Variants in SLC24A2 observed in about 807,000 individuals in gnomAD.
SLC24A2 encodes the protein sodium/potassium/calcium exchanger 2.
A neutral mutation model predicts 62.0 loss-of-function variants in SLC24A2; 36 were observed. The observed-to-expected ratio is 0.58, with a 90% CI of 0.44 to 0.77. The LOEUF (loss-of-function observed/expected upper bound fraction) is 0.77, where lower values mean the gene tolerates loss of function less well. SLC24A2 is among the 30% of genes least tolerant of loss of function. SLC24A2 has a pLI of 0.00. For missense variants in SLC24A2, 846 were observed against 817.9 expected, an observed-to-expected ratio of 1.03 and a Z score of -0.42; for synonymous variants, 358 against 294.0, an observed-to-expected ratio of 1.22 and a Z score of -2.23.
At chr9:20,022,324 A>G in the SLC24A2 span, among the ~76,000 whole-genome samples, 1 of 152,258 alleles carries the variant, frequency 6.6e-6, no homozygotes, top group Non-Finnish European at 1.5e-5. Flanking sequence ...TAGGTGTTTT[A>G]AAGCCAATTC....
chr9:20,092,864 A>C, the SLC24A2 span, among the ~76,000 whole-genome samples: 3 of 152,162 alleles, frequency 2.0e-5, no homozygotes, highest in Admixed American at 2.0e-4. Context: ...CTGAAAGCTG[A>C]ACTCATAGAA....
the SLC24A2 span, among the ~76,000 whole-genome samples, chr9:20,261,967 T>C: frequency 6.6e-6 from 1 of 152,068 alleles, no homozygotes; most frequent in Non-Finnish European, 1.5e-5. Context: ...CTTGATCTCC[T>C]GACCTCGTGA....
chr9:19,535,377 T>G (rs1241452911), intron 8 of SLC24A2, among the ~76,000 whole-genome samples: 1 of 152,224 alleles, frequency 6.6e-6, no homozygotes, highest in African/African-American at 2.4e-5. Context: ...GTTGCCAATT[T>G]TGGCTTTTGT....
chr9:19,667,994 AT>A (rs1308186738), intron 2 of SLC24A2, among the ~76,000 whole-genome samples: 1 of 151,672 alleles, frequency 6.6e-6, no homozygotes, highest in African/African-American at 2.4e-5. Context: ...ATTCCTGTAC[AT>A]TTCTTACTGT....
intron 2 of SLC24A2, among the ~76,000 whole-genome samples, chr9:19,690,723 A>G (rs1820018892): frequency 6.6e-6 from 1 of 152,138 alleles, no homozygotes; most frequent in Admixed American, 6.5e-5. Flanking sequence ...TTTTGCATAA[A>G]TGAACACAAG....
At chr9:19,817,301 C>T in the SLC24A2 span, among the ~76,000 whole-genome samples, 4 of 151,496 alleles carry the variant, frequency 2.6e-5, no homozygotes, top group Non-Finnish European at 4.4e-5. Flanking sequence ...TTTATCCTGC[C>T]CATTTCATAC....
At chr9:19,542,032 C>T (rs1329715093) in intron 8 of SLC24A2, among the ~76,000 whole-genome samples, 2 of 152,222 alleles carry the variant, frequency 1.3e-5, no homozygotes, top group Non-Finnish European at 2.9e-5. Context: ...CTTGCGCTTC[C>T]CAGGTGAGGC....
chr9:20,089,024 G>A, the SLC24A2 span, among the ~76,000 whole-genome samples: 5 of 152,144 alleles, frequency 3.3e-5, no homozygotes, highest in Admixed American at 6.5e-5. Flanking sequence ...CTCACTGGGT[G>A]GGTCCCCCCA....
the SLC24A2 span, among the ~76,000 whole-genome samples, chr9:19,800,729 A>G: frequency 5.3e-5 from 8 of 152,114 alleles, no homozygotes; most frequent in African/African-American, 1.7e-4. Flanking sequence ...CAATTCCCCT[A>G]TTACCCTATT....
the SLC24A2 span, among the ~76,000 whole-genome samples, chr9:20,285,672 G>A: frequency 1.3e-5 from 2 of 152,160 alleles, no homozygotes; most frequent in African/African-American, 2.4e-5. Context: ...TACCCAGAAT[G>A]TTTGACCAAA....
intron 8 of SLC24A2, among the ~76,000 whole-genome samples, chr9:19,542,678 C>T (rs1344392184): frequency 6.6e-6 from 1 of 152,182 alleles, no homozygotes; most frequent in Non-Finnish European, 1.5e-5. Context: ...GACTTTTCTG[C>T]ATCTGTTGAA....
At chr9:19,879,444 T>C in the SLC24A2 span, among the ~76,000 whole-genome samples, 3 of 152,240 alleles carry the variant, frequency 2.0e-5, no homozygotes, top group South Asian at 2.1e-4. Flanking sequence ...ATACCTGGTG[T>C]AGTCATTATT....
chr9:19,795,680 G>A, the SLC24A2 span, among the ~76,000 whole-genome samples: 1 of 152,006 alleles, frequency 6.6e-6, no homozygotes, highest in Admixed American at 6.6e-5. Context: ...TATCAGGGAA[G>A]AGGTGGATTT....
the SLC24A2 span, among the ~76,000 whole-genome samples, chr9:19,879,265 T>G: frequency 6.6e-6 from 1 of 151,934 alleles, no homozygotes; most frequent in Non-Finnish European, 1.5e-5. Context: ...AAGGAAGCAA[T>G]TTGCAGCAAC....
intron 8 of SLC24A2, 109 bp from the exon 9 acceptor site, chr9:19,528,247 A>AT (rs1280936539): frequency 2.6e-6 from 2 of 761,796 alleles, no homozygotes; most frequent in Admixed American, 2.0e-5. Flanking sequence ...CATTTCCTGC[A>AT]TCTTAGTAGG....
the SLC24A2 span, among the ~76,000 whole-genome samples, chr9:20,140,635 C>G: frequency 6.6e-6 from 1 of 152,154 alleles, no homozygotes. Flanking sequence ...TCCTGTTCTG[C>G]ACCCCCTGAA....
At chr9:19,726,427 CTTGTT>C (rs1475950087) in intron 2 of SLC24A2, among the ~76,000 whole-genome samples, 5 of 152,042 alleles carry the variant, frequency 3.3e-5, no homozygotes, top group Non-Finnish European at 7.4e-5. Flanking sequence ...GTTTGTTCAT[CTTGTT>C]TTATTTTAAT....
chr9:20,270,186 C>A, the SLC24A2 span, among the ~76,000 whole-genome samples: 16 of 152,132 alleles, frequency 1.1e-4, no homozygotes, highest in Admixed American at 9.8e-4. Flanking sequence ...ATAAGGGATC[C>A]AACCCCATGA....
At chr9:19,812,673 G>A in the SLC24A2 span, among the ~76,000 whole-genome samples, 1 of 151,732 alleles carries the variant, frequency 6.6e-6, no homozygotes, top group South Asian at 2.1e-4. Flanking sequence ...TAATTTTGTG[G>A]CATATGGTAC....
Sources: allele counts gnomAD v4.1 joint callset (sites outside exome capture counted in the v4.1 genomes callset), GRCh38; gene constraint gnomAD v4.1.1; transcripts MANE v1.5; gene names NCBI Gene and HGNC (gene_info 2026-07-23, HGNC 2026-07-21).